Variants in JPH2 observed in about 807,000 individuals in gnomAD.
The protein encoded by JPH2 is junctophilin-2.
Under a neutral mutation model 55.9 loss-of-function variants are expected in JPH2, and 38 were observed. That is an observed-to-expected ratio of 0.68 (90% CI 0.52 to 0.89). The LOEUF (loss-of-function observed/expected upper bound fraction) is 0.89. JPH2 is among the 40% of genes least tolerant of loss of function. JPH2 has a pLI of 0.00. For missense variants in JPH2, 964 were observed against 1,037.6 expected, an observed-to-expected ratio of 0.93 and a Z score of 0.97; for synonymous variants, 480 against 472.4, an observed-to-expected ratio of 1.02 and a Z score of -0.21.
intron 1 of JPH2, among the ~76,000 whole-genome samples, chr20:44,161,902 G>A (rs1400400075): frequency 6.6e-6 from 1 of 151,996 alleles, no homozygotes; most frequent in Non-Finnish European, 1.5e-5. Flanking sequence ...CCCTTCGGTA[G>A]CTCCAGATGT....
intron 1 of JPH2, among the ~76,000 whole-genome samples, chr20:44,164,415 CA>C (rs2072639273): frequency 6.6e-6 from 1 of 152,044 alleles, no homozygotes; most frequent in South Asian, 2.1e-4. Context: ...ACCCACTTTC[CA>C]GGGGTCTTTT....
Position 44,160,411 on chromosome 20 carries a change from C to A in JPH2, c.380-4G>T. The A allele has an allele frequency of 1.2e-6, 2 of 1,608,042 alleles. No homozygotes were observed. Among genetic ancestry groups the A allele is most frequent in the Non-Finnish European group, 1.7e-6 (2 of 1,178,080 alleles). On this transcript the variant is annotated splice_region_variant and splice_polypyrimidine_tract_variant and intron_variant, in intron 1 of 5. Coordinates refer to ENST00000372980, the MANE Select transcript of JPH2 (RefSeq NM_020433.5). The surrounding 1 kb of genome is among the most constrained non-coding windows in gnomAD (Gnocchi z 4.9). ...GTGAACTGGCCTTGGTACGTCCCTG[C>A]GGGCGAGGAGAGGGCGCGTCAGTAG...
At chr20:44,125,341 TCTC>T (rs1455215127) in intron 2 of JPH2, among the ~76,000 whole-genome samples, 4 of 151,818 alleles carry the variant, frequency 2.6e-5, no homozygotes, top group Non-Finnish European at 5.9e-5. Context: ...TCAATGAATG[TCTC>T]CTCTACTATT....
intron 3 of JPH2, 45 bp downstream of exon 3, chr20:44,118,460 C>T (rs1321320753): frequency 6.8e-7 from 1 of 1,469,926 alleles, no homozygotes; most frequent in Non-Finnish European, 9.5e-7. Context: ...AGCGCCCACC[C>T]TAGGGATAGC....
At chr20:44,120,725 T>C (rs934914101) in intron 2 of JPH2, among the ~76,000 whole-genome samples, 2 of 152,106 alleles carry the variant, frequency 1.3e-5, no homozygotes, top group Admixed American at 6.5e-5. Flanking sequence ...ACACTAACGA[T>C]AGCTGATAAG....
rs763423903 is a variant in JPH2, at chr20:44,115,960, C to T, written c.1715G>A (p.Arg572His). The T allele has an allele frequency of 2.0e-5, 31 of 1,572,498 alleles. No individual in the cohort carries two copies. Among genetic ancestry groups the T allele is most frequent in the South Asian group, 1.1e-4 (10 of 88,216 alleles). ...LYQGYHSYAV[R>H]TTPPEPPPFE... ...GGGTGGGGGCTCGGGCGGCGTGGTG[C>T]GCACAGCATAGCTGTGGTAGCCCTG... The change falls in exon 4 of 6, where the codon CGC becomes CAC. Residue 572 changes from arginine (R) to histidine (H), a missense_variant. Coordinates refer to ENST00000372980, the MANE Select transcript of JPH2 (RefSeq NM_020433.5).
intron 2 of JPH2, among the ~76,000 whole-genome samples, chr20:44,148,087 C>G (rs565791374): frequency 6.6e-6 from 1 of 151,998 alleles, no homozygotes; most frequent in Non-Finnish European, 1.5e-5. Flanking sequence ...TGCTTGGGCC[C>G]GGGAGGCAGA....
intron 1 of JPH2, among the ~76,000 whole-genome samples, chr20:44,174,399 C>T (rs528430680): frequency 3.3e-5 from 5 of 152,308 alleles, no homozygotes; most frequent in African/African-American, 1.2e-4. Context: ...ACCCCCACCC[C>T]CAACCCTTTT....
intron 1 of JPH2, among the ~76,000 whole-genome samples, chr20:44,181,766 C>G (rs1038058087): frequency 6.6e-6 from 1 of 152,188 alleles, no homozygotes; most frequent in Non-Finnish European, 1.5e-5. Context: ...TGGCTTGCAG[C>G]TGACTTCAGG....
chr20:44,114,447 G>A (rs934867038), intron 5 of JPH2, among the ~76,000 whole-genome samples: 1 of 152,256 alleles, frequency 6.6e-6, no homozygotes, highest in East Asian at 1.9e-4. Flanking sequence ...GTGAGTCCCT[G>A]CTGTATCCCC....
intron 1 of JPH2, among the ~76,000 whole-genome samples, chr20:44,174,510 A>ACGC: frequency 6.6e-6 from 1 of 152,352 alleles, no homozygotes; most frequent in African/African-American, 2.4e-5. Context: ...GCAGTGGCTC[A>ACGC]CGCCTGCAAT....
intron 2 of JPH2, among the ~76,000 whole-genome samples, chr20:44,131,551 G>A (rs1456103126): frequency 6.6e-6 from 1 of 152,196 alleles, no homozygotes; most frequent in African/African-American, 2.4e-5. Flanking sequence ...CTACATCATA[G>A]GGTAATGAAA....
At chr20:44,155,544 C>T (rs1044378908) in intron 2 of JPH2, among the ~76,000 whole-genome samples, 18 of 152,140 alleles carry the variant, frequency 1.2e-4, no homozygotes, top group Admixed American at 2.0e-4. Context: ...GACCCTTCTC[C>T]CTCTTGAGTG....
chr20:44,177,166 T>C, intron 1 of JPH2: 1 of 985,630 alleles, frequency 1.0e-6, no homozygotes, highest in Non-Finnish European at 1.2e-6. Flanking sequence ...TCTCTCCTAC[T>C]CTGTGGCTTC....
rs559170851 is a variant in JPH2, at chr20:44,160,722, G to A, written c.380-315C>T. 2.4e-4 allele frequency among the ~76,000 whole-genome samples: 36 copies of A among 152,310 alleles called. No individual in the cohort carries two copies. Among genetic ancestry groups the A allele is most frequent in the African/African-American group, 8.7e-4 (36 of 41,584 alleles). On this transcript the variant is annotated intron_variant, in intron 1 of 5. Coordinates refer to ENST00000372980, the MANE Select transcript of JPH2 (RefSeq NM_020433.5). This position sits in a 1 kb window ranked among gnomAD's most constrained non-coding sequence, Gnocchi z 4.9. ...CAAATGTTGGAGAGCATGGGCTTGT[G>A]TGTGTATTTGTGCAAGATCGTGCGT...
chr20:44,120,847 G>A (rs967829467), intron 2 of JPH2, among the ~76,000 whole-genome samples: 1 of 152,202 alleles, frequency 6.6e-6, no homozygotes, highest in African/African-American at 2.4e-5. Context: ...CATGGGCAAG[G>A]GTTAGACAAG....
chr20:44,114,030 C>G (rs1391582187), intron 5 of JPH2, among the ~76,000 whole-genome samples: 1 of 152,146 alleles, frequency 6.6e-6, no homozygotes, highest in Non-Finnish European at 1.5e-5. Flanking sequence ...AGGCAGAAAC[C>G]CTGTTATTAT....
At chr20:44,180,413 C>A (rs2072771207) in intron 1 of JPH2, among the ~76,000 whole-genome samples, 1 of 152,046 alleles carries the variant, frequency 6.6e-6, no homozygotes, top group African/African-American at 2.4e-5. Context: ...CTCACTGCAG[C>A]CTCGACCTCC....
chr20:44,158,823 G>T (rs772831110), intron 2 of JPH2, among the ~76,000 whole-genome samples: 2 of 152,132 alleles, frequency 1.3e-5, no homozygotes, highest in African/African-American at 2.4e-5. Flanking sequence ...CAGAAGTGTC[G>T]CTGGGTGGAT....
Sources: gnomAD v4.1 joint callset for allele counts (sites outside exome capture counted in the v4.1 genomes callset) on GRCh38, gnomAD v4.1.1 for gene constraint, Gnocchi (gnomAD v3.1) non-coding constraint, MANE v1.5 for transcripts, NCBI Gene and HGNC (gene_info 2026-07-23, HGNC 2026-07-21) for gene names.